ZBTB24: variants seen among roughly 807,000 people sequenced by gnomAD.
ZBTB24 encodes zinc finger and BTB domain containing 24.
Under a neutral mutation model 53.8 loss-of-function variants are expected in ZBTB24, and 32 were observed. That is an observed-to-expected ratio of 0.60 (90% confidence interval 0.45 to 0.80). The LOEUF is 0.80. Among genes scored for constraint, ZBTB24 ranks in the 30% least tolerant of loss-of-function variants. The pLI, the probability that ZBTB24 is intolerant of heterozygous loss-of-function variation, is 0.00. For missense variants in ZBTB24, 722 were observed against 837.1 expected (o/e 0.86, Z 1.70); for synonymous variants, 297 against 306.7 (o/e 0.97, Z 0.33).
At position 109,464,729 on chromosome 6, in the gene ZBTB24, CCAGGAATTCGAGGTTA is replaced by C. The variant is rs778313464; in HGVS notation, c.*1106_*1121del. The C allele has an allele frequency of 3.9e-5, 6 of 152,124 alleles. No individual in the cohort carries two copies. Among genetic ancestry groups the C allele is most frequent in the Non-Finnish European group, 8.8e-5 (6 of 68,068 alleles). The allele number at this position is 152,124 out of a possible 1,614,324, so 9.4% of individuals were successfully genotyped here. A position where few individuals can be genotyped will look rare whatever the true frequency, so the allele number is the denominator to read the frequency against. ...GCTAAGGTGGGAGGGTTGCTTGAGC[CCAGGAATTCGAGGTTA>C]CAGTGAGCAATGATTGTGCCACTAC... is the stretch of plus-strand genomic sequence containing the variant. On this transcript the variant is annotated 3_prime_UTR_variant, in exon 7 of 7. Transcript: ENST00000230122.
In ZBTB24 at chr6:109,464,551, C is replaced by A. The variant is rs1324187827; in HGVS notation, c.*1300G>T. 1.3e-5 allele frequency: 2 copies of A among 152,138 alleles called. No homozygotes were observed. The highest frequency in any genetic ancestry group is 4.8e-5 in the African/African-American group (2 of 41,416). 9.4% of individuals were successfully genotyped at this position (152,138 alleles called of 1,614,324 possible). On this transcript the variant is annotated 3_prime_UTR_variant, in exon 7 of 7. Transcript: ENST00000230122. ...CAATAAGCTTAGCTTGAAAACCTAA[C>A]CCAAACATAATTTAATCTTTTGATG...
intron 5 of ZBTB24, among the ~76,000 whole-genome samples, chr6:109,473,205 G>A (rs1006830677): frequency 2.0e-5 from 3 of 152,140 alleles, no homozygotes; most frequent in Non-Finnish European, 4.4e-5. Flanking sequence ...CAGAATCTTG[G>A]CAGCTGGGAC....
rs532563272 is a variant in ZBTB24, at chr6:109,466,304, C to T, written c.1641G>A (p.Ser547=). Residue 547 remains serine (S), a synonymous_variant, in exon 7 of 7, where the codon TCG becomes TCA. Transcript: ENST00000230122. The part of the protein sequence containing the change: ...LQLQPYQLST[S]GEQEIQLLVT... ...CGAGAAGCTGAATTTCCTGCTCTCC[C>T]GAGGTAGAGAGTTGATATGGCTGTA... is the stretch of plus-strand genomic sequence containing the variant. 24 of 1,614,126 alleles carry T rather than the reference C, an allele frequency of 1.5e-5. 1 individual carries two copies. In the African/African-American group the frequency reaches 1.7e-4, roughly 12 times the overall value.
rs12529135 is a variant in ZBTB24 at position 109,465,389 on chromosome 6, G to A, written c.*462C>T. ...GATCTGTCATATTTAGCCCTGACTT[G>A]TCTTGTGGTAACAACTGTGTTGCCT... is the stretch of plus-strand genomic sequence containing the variant. On this transcript the variant is annotated 3_prime_UTR_variant, in exon 7 of 7. Coordinates refer to ENST00000230122, the MANE Select transcript of ZBTB24 (RefSeq NM_014797.3). 2 of 492,896 alleles carry A rather than the reference G, an allele frequency of 4.1e-6. No individual in the cohort carries two copies. Among genetic ancestry groups the A allele is most frequent in the Admixed American group, 7.5e-5 (2 of 26,554 alleles). 30.5% of individuals were successfully genotyped at this position (492,896 alleles called of 1,614,324 possible).
chr6:109,475,043 T>TAA (rs5879027), intron 5 of ZBTB24, among the ~76,000 whole-genome samples: 1,175 of 116,360 alleles, frequency 0.01, 18 homozygotes, highest in African/African-American at 0.027. Flanking sequence ...CCCTTATCTT[T>TAA]AAAAAAAAAA....
At chr6:109,481,014 T>C in intron 2 of ZBTB24, 61 bp downstream of exon 2, 1 of 1,591,274 alleles carries the variant, frequency 6.3e-7, no homozygotes, top group Middle Eastern at 1.7e-4. Context: ...TGGAAGCTAT[T>C]ATTATCATCA....
In ZBTB24 at chr6:109,465,920, C is replaced by G. The variant is rs2115352900; in HGVS notation, c.2025G>C (p.Gln675His). The change falls in exon 7 of 7, where the codon CAG (glutamine) becomes CAC (histidine). Residue 675 changes from glutamine (Q) to histidine (H), a missense_variant. Coordinates refer to ENST00000230122, the MANE Select transcript of ZBTB24 (RefSeq NM_014797.3). ...SDPAQHLQLT[Q>H]EPGPPPPTHH... ...GAGTGGGTGGTGGCGGACCAGGCTC[C>G]TGTGTCAGCTGCAGGTGCTGAGCTG... is the stretch of plus-strand genomic sequence containing the variant. The G allele has an allele frequency of 3.7e-6, 6 of 1,614,200 alleles. No individual in the cohort carries two copies. Among genetic ancestry groups the G allele is most frequent in the Non-Finnish European group, 5.1e-6 (6 of 1,180,036 alleles).
In ZBTB24 at chr6:109,475,392, G is replaced by A; in HGVS notation, c.1288+7C>T. 6.2e-7 allele frequency: 1 copy of A among 1,614,134 alleles called. No individual in the cohort carries two copies. Among genetic ancestry groups the A allele is most frequent in the Non-Finnish European group, 8.5e-7 (1 of 1,180,012 alleles). ...GTACTGGGGGGACAGACGAGATGGA[G>A]TTTTACCTGTGTGTGTTCGCAGATG... On this transcript the variant is annotated splice_region_variant and intron_variant, in intron 5 of 6. Transcript: ENST00000230122.
At position 109,463,877 on chromosome 6, in the gene ZBTB24, T is replaced by C. The variant is rs1425783392; in HGVS notation, c.*1974A>G. 6.6e-6 allele frequency: 1 copy of C among 152,246 alleles called. No homozygotes were observed. Among genetic ancestry groups the C allele is most frequent in the Non-Finnish European group, 1.5e-5 (1 of 68,038 alleles). The allele number at this position is 152,246 out of a possible 1,614,324, so 9.4% of individuals were successfully genotyped here. The stretch of plus-strand genomic sequence containing the variant: ...AAAGTTGCTACTAGAACATTTAAAG[T>C]GACCTATGTTGTTCATGTTATAGTT... On this transcript the variant is annotated 3_prime_UTR_variant, in exon 7 of 7. Coordinates refer to ENST00000230122, the MANE Select transcript of ZBTB24 (RefSeq NM_014797.3).
intron 2 of ZBTB24, among the ~76,000 whole-genome samples, chr6:109,478,332 C>T (rs1776322569): frequency 6.6e-6 from 1 of 152,214 alleles, no homozygotes; most frequent in African/African-American, 2.4e-5. Flanking sequence ...GACAGACATA[C>T]AGCTTAGGCG....
At chr6:109,477,042 G>A in intron 2 of ZBTB24, 112 bp from the exon 3 acceptor site, 6 of 1,427,156 alleles carry the variant, frequency 4.2e-6, no homozygotes, top group Non-Finnish European at 4.8e-6. Context: ...ACATCCAAAA[G>A]GCCAACAATG....
intron 1 of ZBTB24, 129 bp downstream of exon 1, chr6:109,482,969 C>T (rs13437135): frequency 6.6e-6 from 1 of 152,246 alleles, no homozygotes; most frequent in Non-Finnish European, 1.5e-5. Flanking sequence ...AGAGGTGGCG[C>T]GGAAAGACCC....
chr6:109,465,722 T>C lies in ZBTB24; in HGVS notation c.*129A>G. The stretch of plus-strand genomic sequence containing the variant: ...GATGGAGGGCATTATAAACATCAGT[T>C]AGCCATCACAGCTCTCACAGAAGCA... On this transcript the variant is annotated 3_prime_UTR_variant, in exon 7 of 7. Coordinates refer to ENST00000230122, the MANE Select transcript of ZBTB24 (RefSeq NM_014797.3). 1.2e-6 allele frequency: 2 copies of C among 1,608,670 alleles called. No homozygotes were observed. The highest frequency in any genetic ancestry group is 1.1e-5 in the South Asian group (1 of 91,068).
At position 109,481,722 on chromosome 6, in the gene ZBTB24, C is replaced by T. The variant is rs752832950; in HGVS notation, c.305G>A (p.Ser102Asn). The T allele has an allele frequency of 1.2e-5, 20 of 1,614,240 alleles. No homozygotes were observed. The highest frequency in any genetic ancestry group is 2.2e-5 in the East Asian group (1 of 44,896). Residue 102 changes from serine to asparagine, a missense_variant, in exon 2 of 7, where the codon AGT becomes AAT. Physicochemically the swap from Ser to Asn is conservative, Grantham distance 46. Coordinates refer to ENST00000230122, the MANE Select transcript of ZBTB24 (RefSeq NM_014797.3). The stretch of plus-strand genomic sequence containing the variant: ...CAGGATTTGTTCTGTACTTTTCTCA[C>T]TGGCATGGAGATAACCTGTGTAGAT... ...EFIYTGYLHA[S>N]EKSTEQILAT...
At chr6:109,480,893 A>G (rs1776390821) in intron 2 of ZBTB24, 182 bp downstream of exon 2, 14 of 1,381,364 alleles carry the variant, frequency 1.0e-5, no homozygotes, top group Non-Finnish European at 1.3e-5. Flanking sequence ...TTAATCATAC[A>G]ATGTATAATG....
In ZBTB24 at chr6:109,462,709, A is replaced by C. The variant is rs1775917986; in HGVS notation, c.*3142T>G. ...TCAAGAAGCACTGGGCAAGCACTTG[A>C]ATAACTGATTTTGATGGTAAGAGCT... On this transcript the variant is annotated 3_prime_UTR_variant, in exon 7 of 7. Coordinates refer to ENST00000230122, the MANE Select transcript of ZBTB24 (RefSeq NM_014797.3). 1 of 152,228 alleles carries C rather than the reference A, an allele frequency of 6.6e-6. No individual in the cohort carries two copies. The highest frequency in any genetic ancestry group is 1.5e-5 in the Non-Finnish European group (1 of 68,040). 9.4% of individuals were successfully genotyped at this position (152,228 alleles called of 1,614,324 possible).
chr6:109,467,990 G>A (rs1231666158), intron 5 of ZBTB24, among the ~76,000 whole-genome samples: 2 of 152,024 alleles, frequency 1.3e-5, no homozygotes, highest in African/African-American at 4.8e-5. Flanking sequence ...CCTGAAAACT[G>A]CAACAAGGAA....
rs1775970936 is a variant in ZBTB24, at chr6:109,463,930, G to A, written c.*1921C>T. The A allele has an allele frequency of 6.6e-6, 1 of 152,172 alleles. No homozygotes were observed. Among genetic ancestry groups the A allele is most frequent in the Non-Finnish European group, 1.5e-5 (1 of 68,024 alleles). 9.4% of individuals were successfully genotyped at this position (152,172 alleles called of 1,614,324 possible). On this transcript the variant is annotated 3_prime_UTR_variant, in exon 7 of 7. Coordinates refer to ENST00000230122, the MANE Select transcript of ZBTB24 (RefSeq NM_014797.3). The stretch of plus-strand genomic sequence containing the variant: ...CTTAGTGTAGAGGTAGACTGTTATA[G>A]AGCCAGTGAAACTTGACTTATAAAT...
intron 4 of ZBTB24, 126 bp from the exon 5 acceptor site, chr6:109,475,608 T>C: frequency 1.7e-6 from 2 of 1,161,268 alleles, no homozygotes; most frequent in Non-Finnish European, 2.5e-6. Context: ...CCACAAAAAT[T>C]TTTTCATTAA....
Sources: allele counts gnomAD v4.1 joint callset (sites outside exome capture counted in the v4.1 genomes callset), GRCh38; gene constraint gnomAD v4.1.1; transcripts MANE v1.5; gene names NCBI Gene and HGNC (gene_info 2026-07-23, HGNC 2026-07-21).